The following ATP8B1 variants were observed in gnomAD, a reference collection of about 807,000 sequenced individuals.
The protein encoded by ATP8B1 is phospholipid-transporting ATPase IC.
In ATP8B1, 80 loss-of-function variants were observed where a neutral mutation model predicts 149.9. The ratio of observed to expected loss-of-function variants is 0.53; its 90% CI spans 0.45 to 0.64. The LOEUF (loss-of-function observed/expected upper bound fraction) is 0.64. Among genes scored for constraint, ATP8B1 ranks in the 30% least tolerant of loss-of-function variants. ATP8B1 has a pLI of 0.00. For missense variants in ATP8B1, 1,247 were observed against 1,552.6 expected, an observed-to-expected ratio of 0.80 and a Z score of 3.31; for synonymous variants, 536 against 562.8, an observed-to-expected ratio of 0.95 and a Z score of 0.67.
At position 57,706,520 on chromosome 18, in the gene ATP8B1, T is replaced by A; in HGVS notation, c.249A>T (p.Lys83Asn). 1 of 1,614,052 alleles carries A rather than the reference T, an allele frequency of 6.2e-7. No homozygotes were observed. The highest frequency in any genetic ancestry group is 8.5e-7 in the Non-Finnish European group (1 of 1,179,948). ...YHEQPHFMNT[K>N]FLCIKESKYA... is the part of the protein sequence containing the mutation. ...ATTTACTCTCCTTAATACACAAGAA[T>A]TTTGTGTTCATAAAGTGAGGTTGTT... Residue 83 changes from lysine (K) to asparagine (N), a missense_variant, in exon 3 of 28, where the codon AAA (lysine) becomes AAT (asparagine). Around this residue, in one of 3 missense-constraint regions of ATP8B1, gnomAD observed 853 missense variants for 1,035.7 expected, o/e 0.82. Transcript: ENST00000648908.
intron 11 of ATP8B1, among the ~76,000 whole-genome samples, chr18:57,693,145 A>AT (rs745535343): frequency 6.6e-6 from 1 of 152,224 alleles, no homozygotes; most frequent in Non-Finnish European, 1.5e-5. Flanking sequence ...TTAAATTATT[A>AT]TTTTTATGTG....
At chr18:57,691,209 T>C (rs1207069013) in intron 12 of ATP8B1, among the ~76,000 whole-genome samples, 1 of 143,884 alleles carries the variant, frequency 7.0e-6, no homozygotes. Flanking sequence ...AAGTAAAAAA[T>C]GAAGAAGTAT....
rs555476638 is a variant in ATP8B1, at chr18:57,731,018, G to A, written c.181+609C>T. 3.3e-5 allele frequency among the ~76,000 whole-genome samples: 5 copies of A among 152,174 alleles called. No homozygotes were observed. In the South Asian group the frequency reaches 6.2e-4, roughly 19 times the overall value. ...TTTTAAGAATATATACACTGGCTAC[G>A]CATCGTAGCTCATGCCTGTAATTCC... On this transcript the variant is annotated intron_variant, in intron 2 of 27. Transcript: ENST00000648908.
chr18:57,710,872 T>A (rs1195918931), intron 2 of ATP8B1, among the ~76,000 whole-genome samples: 3 of 152,160 alleles, frequency 2.0e-5, no homozygotes, highest in Non-Finnish European at 4.4e-5. Context: ...TGACCTCAGG[T>A]GATCTGCCCA....
intron 20 of ATP8B1, among the ~76,000 whole-genome samples, chr18:57,666,354 A>G (rs1568185863): frequency 6.6e-6 from 1 of 152,160 alleles, no homozygotes; most frequent in Non-Finnish European, 1.5e-5. Flanking sequence ...CAGGGGACCT[A>G]CATGATGTAA....
At chr18:57,702,557 C>T (rs1599133269) in intron 4 of ATP8B1, among the ~76,000 whole-genome samples, 1 of 152,114 alleles carries the variant, frequency 6.6e-6, no homozygotes. Context: ...GGATTGCTGA[C>T]CTTAAGAGAA....
At position 57,650,402 on chromosome 18, in the gene ATP8B1, G is replaced by A; in HGVS notation, c.3496C>T (p.Leu1166=). The A allele has an allele frequency of 1.2e-6, 2 of 1,613,930 alleles. No individual in the cohort carries two copies. Among genetic ancestry groups the A allele is most frequent in the Non-Finnish European group, 1.7e-6 (2 of 1,179,856 alleles). ...CLLPVVAIRF[L]SMTIWPSESD... ...TCTGATGGCCAGATGGTCATTGACA[G>A]GAATCGAATGGCAACGACGGGTAGT... The change falls in exon 27 of 28, where the codon CTG becomes TTG. Residue 1166 remains leucine, a synonymous_variant. Transcript: ENST00000648908.
At chr18:57,753,789 T>G (rs8090461) in intron 1 of ATP8B1, among the ~76,000 whole-genome samples, 28,230 of 151,626 alleles carry the variant, frequency 0.19, 3,173 homozygotes, top group African/African-American at 0.31. Flanking sequence ...TTAGCTGGGC[T>G]TGGTGGTGCA....
At chr18:57,700,866 G>A (rs1462290124) in intron 6 of ATP8B1, among the ~76,000 whole-genome samples, 173 bp downstream of exon 6, 5 of 152,140 alleles carry the variant, frequency 3.3e-5, no homozygotes, top group African/African-American at 9.7e-5. Flanking sequence ...GCAGTGAGCC[G>A]AGATAACGCT....
chr18:57,716,839 T>C (rs118052566), intron 2 of ATP8B1, among the ~76,000 whole-genome samples: 8 of 152,184 alleles, frequency 5.3e-5, no homozygotes, highest in Non-Finnish European at 1.2e-4. Context: ...TAGATATTTA[T>C]AAAATATTTC....
chr18:57,778,958 C>T (rs2080334738), intron 1 of ATP8B1, among the ~76,000 whole-genome samples: 3 of 152,090 alleles, frequency 2.0e-5, no homozygotes, highest in Admixed American at 2.0e-4. Flanking sequence ...CACAAGAATC[C>T]TGAGATATTT....
At chr18:57,670,178 T>C (rs1427271216) in intron 17 of ATP8B1, among the ~76,000 whole-genome samples, 1 of 152,252 alleles carries the variant, frequency 6.6e-6, no homozygotes, top group Middle Eastern at 3.4e-3. Context: ...TCCAACAAAC[T>C]GTGATACAAG....
Position 57,704,091 on chromosome 18 carries a change from C to T in ATP8B1, c.393+464G>A, listed in dbSNP as rs545666043. ...AAGCGATTCTCTTGCCTCAGTCTCC[C>T]GAGTAGCTGGGATTATAGGCATGCA... On this transcript the variant is annotated intron_variant, in intron 4 of 27. Coordinates refer to ENST00000648908, the MANE Select transcript of ATP8B1 (RefSeq NM_001374385.1). 3.3e-5 allele frequency among the ~76,000 whole-genome samples: 5 copies of T among 152,018 alleles called. No homozygotes were observed. The East Asian group carries it at 7.7e-4, about 24-fold the overall frequency.
chr18:57,732,309 G>GTATATATA lies in ATP8B1; in HGVS notation c.-25-478_-25-477insTATATATA, dbSNP rs1232916462. Among the ~76,000 whole-genome samples, 74 of 21,328 alleles carry GTATATATA rather than the reference G, an allele frequency of 3.5e-3. 30 individuals carry two copies. Among genetic ancestry groups the GTATATATA allele is most frequent in the East Asian group, 0.027 (6 of 224 alleles). 14.0% of individuals were successfully genotyped at this position (21,328 alleles called of 152,430 possible). ...TATATGTATATATATGTGTATATAT[G>GTATATATA]TGTGTATATATGTGTATATATGTGT... On this transcript the variant is annotated intron_variant, in intron 1 of 27. Transcript: ENST00000648908.
intron 2 of ATP8B1, among the ~76,000 whole-genome samples, chr18:57,711,479 T>C (rs1411725127): frequency 2.0e-5 from 3 of 152,234 alleles, no homozygotes; most frequent in African/African-American, 7.2e-5. Flanking sequence ...TGCACATCTG[T>C]TTCTGCATAT....
chr18:57,649,153 G>A (rs1909422998), intron 27 of ATP8B1, among the ~76,000 whole-genome samples: 1 of 124,092 alleles, frequency 8.1e-6, no homozygotes, highest in Non-Finnish European at 1.8e-5. Context: ...GCCTCCAAAA[G>A]TTCTGGGATT....
At chr18:57,695,397 A>G in intron 9 of ATP8B1, 53 bp downstream of exon 9, 1 of 1,591,864 alleles carries the variant, frequency 6.3e-7, no homozygotes, top group Non-Finnish European at 8.6e-7. Context: ...ATCAATAGGA[A>G]TTGAACCAAG....
chr18:57,699,475 G>A (rs1471058316), intron 6 of ATP8B1, among the ~76,000 whole-genome samples: 1 of 151,842 alleles, frequency 6.6e-6, no homozygotes, highest in East Asian at 2.0e-4. Context: ...GGTGGCTCAC[G>A]CCTGTAATCC....
intron 1 of ATP8B1, among the ~76,000 whole-genome samples, chr18:57,735,967 G>GGC (rs2079848788): frequency 1.5e-5 from 2 of 134,454 alleles, no homozygotes; most frequent in African/African-American, 2.9e-5. Flanking sequence ...CCCATTCCTT[G>GGC]CCCCCCCCAC....
Sources: gnomAD v4.1 joint callset for allele counts (sites outside exome capture counted in the v4.1 genomes callset) on GRCh38, gnomAD v4.1.1 for gene constraint, gnomAD v4.1.1 regional missense constraint, MANE v1.5 for transcripts, NCBI Gene and HGNC (gene_info 2026-07-23, HGNC 2026-07-21) for gene names.